PDE4D: variants seen among roughly 807,000 people sequenced by gnomAD.
PDE4D encodes the protein 3',5'-cyclic-AMP phosphodiesterase 4D.
PDE4D carries 24 observed loss-of-function variants against 87.4 expected under a neutral mutation model. The observed-to-expected ratio is 0.27, with a 90% CI of 0.20 to 0.39. The LOEUF (loss-of-function observed/expected upper bound fraction) is 0.39, where lower values mean the gene tolerates loss of function less well. Ranked by LOEUF, PDE4D falls within the 10% of genes least tolerant of loss-of-function variation. PDE4D has a pLI of 1.00. For missense variants in PDE4D, 714 were observed against 1,041.0 expected (o/e 0.69, Z 4.32); for synonymous variants, 384 against 383.2 (o/e 1.00, Z -0.02).
intron 1 of PDE4D, among the ~76,000 whole-genome samples, chr5:60,428,544 T>C (rs950298159): frequency 1.9e-4 from 29 of 152,308 alleles, no homozygotes; most frequent in African/African-American, 7.0e-4. Context: ...AACCTTACAA[T>C]TATACATGCG....
intron 1 of PDE4D, among the ~76,000 whole-genome samples, chr5:59,339,119 A>T (rs1423108607): frequency 6.6e-6 from 1 of 152,176 alleles, no homozygotes; most frequent in Non-Finnish European, 1.5e-5. Flanking sequence ...ACAAAAAGAG[A>T]CCTAGACTGT....
At chr5:59,689,481 C>CT (rs1750522775) in intron 1 of PDE4D, among the ~76,000 whole-genome samples, 1 of 152,174 alleles carries the variant, frequency 6.6e-6, no homozygotes, top group South Asian at 2.1e-4. Context: ...ACATGATTCT[C>CT]TCAATAGATG....
At chr5:59,632,722 A>G (rs1056784999) in intron 1 of PDE4D, among the ~76,000 whole-genome samples, 2 of 152,208 alleles carry the variant, frequency 1.3e-5, no homozygotes, top group African/African-American at 4.8e-5. Context: ...CAAAAACTCC[A>G]TCTAAAGGTC....
chr5:59,861,011 C>T (rs1746173002), intron 1 of PDE4D, among the ~76,000 whole-genome samples: 1 of 150,954 alleles, frequency 6.6e-6, no homozygotes, highest in Admixed American at 6.6e-5. Context: ...GGCACCCGAA[C>T]ACCACACCTA....
At chr5:59,310,278 A>C (rs1217041205) in intron 1 of PDE4D, among the ~76,000 whole-genome samples, 1 of 152,082 alleles carries the variant, frequency 6.6e-6, no homozygotes, top group Non-Finnish European at 1.5e-5. Context: ...ATGGCCTTAT[A>C]TGCTGGCCAC....
intron 5 of PDE4D, chr5:59,156,916 T>G (rs1317840562): frequency 6.1e-6 from 1 of 163,018 alleles, no homozygotes; most frequent in Admixed American, 6.3e-5. Context: ...ACATACTTTA[T>G]AGTAAGCAAA....
At position 59,286,179 on chromosome 5, in the gene PDE4D, A is replaced by G. The variant is rs960358952; in HGVS notation, c.456-70211T>C. On this transcript the variant is annotated intron_variant, in intron 1 of 14. Coordinates refer to ENST00000340635, the MANE Select transcript of PDE4D (RefSeq NM_001104631.2). The stretch of plus-strand genomic sequence containing the variant: ...TCAGAACTCAAGCCTGGCTGGCTCC[A>G]GAAGAGAAATCTGAAGATGACAGGA... Among the ~76,000 whole-genome samples the G allele has an allele frequency of 3.3e-5, 5 of 152,346 alleles. No individual in the cohort carries two copies. In the East Asian group the frequency reaches 9.7e-4, roughly 29 times the overall value.
At chr5:60,154,024 T>C (rs1781746155) in intron 2 of PDE4D, among the ~76,000 whole-genome samples, 1 of 150,690 alleles carries the variant, frequency 6.6e-6, no homozygotes, top group Admixed American at 6.6e-5. Context: ...GTTCTTACCA[T>C]AATAAAAAAA....
intron 1 of PDE4D, among the ~76,000 whole-genome samples, chr5:59,858,537 C>T (rs752320776): frequency 5.3e-5 from 8 of 151,950 alleles, no homozygotes; most frequent in East Asian, 1.9e-4. Context: ...TCCATCTCCA[C>T]GAGAAGAACA....
chr5:59,083,265 T>C (rs1310925282), intron 5 of PDE4D, among the ~76,000 whole-genome samples: 2 of 152,078 alleles, frequency 1.3e-5, no homozygotes, highest in Admixed American at 6.6e-5. Flanking sequence ...TCTGGAAGGA[T>C]TAATTTCTTA....
intron 1 of PDE4D, among the ~76,000 whole-genome samples, chr5:60,507,623 A>T (rs1471112261): frequency 2.0e-5 from 3 of 152,112 alleles, no homozygotes; most frequent in African/African-American, 7.2e-5. Context: ...ACCACATCCT[A>T]GCCAAGAGTG....
At chr5:59,245,338 G>T (rs1406843458) in intron 1 of PDE4D, among the ~76,000 whole-genome samples, 1 of 152,128 alleles carries the variant, frequency 6.6e-6, no homozygotes, top group Non-Finnish European at 1.5e-5. Context: ...ACTGGATATT[G>T]TAAATAAGTG....
intron 6 of PDE4D, among the ~76,000 whole-genome samples, chr5:58,998,989 C>T (rs1749851847): frequency 6.6e-6 from 1 of 152,058 alleles, no homozygotes; most frequent in Admixed American, 6.6e-5. Flanking sequence ...ATCAAGTTTT[C>T]ACTTTAGTAT....
At chr5:60,114,495 C>T (rs1289831992) in intron 2 of PDE4D, among the ~76,000 whole-genome samples, 1 of 152,092 alleles carries the variant, frequency 6.6e-6, no homozygotes, top group Non-Finnish European at 1.5e-5. Context: ...CAATCAGCAT[C>T]TCTCAGGAAA....
intron 5 of PDE4D, among the ~76,000 whole-genome samples, chr5:59,141,505 A>G (rs918115819): frequency 7.2e-5 from 11 of 152,190 alleles, no homozygotes; most frequent in Non-Finnish European, 5.9e-5. Context: ...CTTCTCCTGG[A>G]AAGTAAATGT....
chr5:59,748,281 C>T (rs1759917251), intron 1 of PDE4D, among the ~76,000 whole-genome samples: 1 of 152,176 alleles, frequency 6.6e-6, no homozygotes, highest in African/African-American at 2.4e-5. Context: ...GGTAGGAACA[C>T]CCAGCCATCC....
rs1208323931 is a variant in PDE4D, at chr5:59,668,845, GGAAGAAGAAGAAGAAGAAGAAGAAGAA to G, written c.455+224296_455+224322del. Among the ~76,000 whole-genome samples the G allele has an allele frequency of 1.4e-3, 85 of 62,182 alleles. 1 individual carries two copies. Among genetic ancestry groups the G allele is most frequent in the Middle Eastern group, 0.013 (2 of 156 alleles). The allele number at this position is 62,182 out of a possible 152,430, so 40.8% of individuals were successfully genotyped here. ...AAGAAGAAGAAGAGGAAGAGGAAGA[GGAAGAAGAAGAAGAAGAAGAAGAAGAA>G]GAAGAAGAAGAAGAAGAAGAAGAAG... On this transcript the variant is annotated intron_variant, in intron 1 of 14. Transcript: ENST00000340635.
chr5:60,213,329 T>C (rs540228481), intron 1 of PDE4D, among the ~76,000 whole-genome samples: 1 of 152,298 alleles, frequency 6.6e-6, no homozygotes, highest in East Asian at 1.9e-4. Flanking sequence ...GGGGCAGCAA[T>C]GGCCCTGTGT....
At chr5:59,528,904 C>G (rs1379284225) in intron 1 of PDE4D, 5 of 373,116 alleles carry the variant, frequency 1.3e-5, no homozygotes, top group Non-Finnish European at 2.1e-5. Context: ...GGCCACTCTG[C>G]CCTTGACCCT....
Sources: gnomAD v4.1 joint callset for allele counts (sites outside exome capture counted in the v4.1 genomes callset) on GRCh38, gnomAD v4.1.1 for gene constraint, MANE v1.5 for transcripts, NCBI Gene and HGNC (gene_info 2026-07-23, HGNC 2026-07-21) for gene names.